PIK3R1: variants seen among roughly 807,000 people sequenced by gnomAD.
PIK3R1 encodes phosphoinositide-3-kinase regulatory subunit 1.
Under a neutral mutation model 98.0 loss-of-function variants are expected in PIK3R1, and 29 were observed. That is an observed-to-expected ratio of 0.30 (90% confidence interval 0.22 to 0.40). PIK3R1 has a LOEUF of 0.40. Among genes scored for constraint, PIK3R1 ranks in the 10% least tolerant of loss-of-function variants. PIK3R1 has a pLI of 1.00. For synonymous variants in PIK3R1, 282 were observed against 311.8 expected (o/e 0.90, Z 1.01); for missense variants, 596 against 872.7 (o/e 0.68, Z 3.99).
At chr5:68,225,018 G>T (rs901770136) in intron 1 of PIK3R1, among the ~76,000 whole-genome samples, 19 of 152,242 alleles carry the variant, frequency 1.2e-4, no homozygotes, top group Non-Finnish European at 2.6e-4. Flanking sequence ...CTCACTGCTG[G>T]ACTGGAATCT....
chr5:68,265,545 G>A (rs1746088740), intron 2 of PIK3R1, among the ~76,000 whole-genome samples: 1 of 152,154 alleles, frequency 6.6e-6, no homozygotes, highest in Non-Finnish European at 1.5e-5. Flanking sequence ...GGGGAGAAAG[G>A]TCTCTGGTGC....
chr5:68,263,893 A>C (rs1746010803), intron 2 of PIK3R1, among the ~76,000 whole-genome samples: 1 of 151,640 alleles, frequency 6.6e-6, no homozygotes, highest in African/African-American at 2.4e-5. Context: ...GGATGCTTCA[A>C]CTCCCTTCAT....
intron 2 of PIK3R1, among the ~76,000 whole-genome samples, chr5:68,266,154 C>T (rs1746114457): frequency 6.6e-6 from 1 of 152,238 alleles, no homozygotes; most frequent in South Asian, 2.1e-4. Context: ...AGTTCCTCTC[C>T]ATCCCCCTGC....
chr5:68,264,573 A>AG (rs1561280547), intron 2 of PIK3R1, among the ~76,000 whole-genome samples: 1 of 152,190 alleles, frequency 6.6e-6, no homozygotes, highest in Non-Finnish European at 1.5e-5. Context: ...CGCTGAGCAG[A>AG]GTTTCTTACA....
At chr5:68,290,626 G>C (rs1315400638) in intron 7 of PIK3R1, 3 of 1,433,260 alleles carry the variant, frequency 2.1e-6, no homozygotes, top group Non-Finnish European at 2.7e-6. Context: ...ATAGGTTTCA[G>C]TGCAGCCCCT....
At chr5:68,239,923 G>A (rs1396116696) in intron 2 of PIK3R1, 2 of 499,944 alleles carry the variant, frequency 4.0e-6, no homozygotes, top group Admixed American at 2.3e-5. Flanking sequence ...CATCAGAACC[G>A]CAGGCTGGAA....
intron 2 of PIK3R1, among the ~76,000 whole-genome samples, chr5:68,262,099 C>T (rs1415054536): frequency 6.6e-6 from 1 of 151,940 alleles, no homozygotes; most frequent in Admixed American, 6.6e-5. Flanking sequence ...TATAGGAAGC[C>T]AACATTTTGC....
chr5:68,266,772 A>G (rs1746140295), intron 2 of PIK3R1, among the ~76,000 whole-genome samples: 1 of 152,228 alleles, frequency 6.6e-6, no homozygotes. Context: ...TTGGACAAAT[A>G]GTTTCCTTGC....
At chr5:68,228,369 A>C (rs1744358529) in intron 2 of PIK3R1, among the ~76,000 whole-genome samples, 1 of 152,204 alleles carries the variant, frequency 6.6e-6, no homozygotes, top group Admixed American at 6.5e-5. Flanking sequence ...CCTGAAGGGA[A>C]GCCCTTTTCT....
Position 68,293,194 on chromosome 5 carries a change from A to G in PIK3R1, c.1113A>G (p.Thr371=), listed in dbSNP as rs1580261805. 9 of 1,612,122 alleles carry G rather than the reference A, an allele frequency of 5.6e-6. No individual in the cohort carries two copies. The East Asian group carries it at 2.0e-4, about 36-fold the overall frequency. ...STKMHGDYTL[T]LRKGGNNKLI... ...AAATGCATGGTGATTATACTCTTAC[A>G]CTAAGGTAAGCCAGGGAATATAGCT... Residue 371 remains threonine (T), a synonymous_variant, in exon 9 of 16, where the codon ACA becomes ACG. Transcript: ENST00000521381.
Position 68,296,240 on chromosome 5 carries a change from C to T in PIK3R1, c.1884C>T (p.Ser628=), listed in dbSNP as rs2112283259. ...ATGAGAAGACATGGAATGTTGGAAG[C>T]AGCAACCGAAACAAAGCTGAAAACC... The part of the protein sequence containing the change: ...HHDEKTWNVG[S]SNRNKAENLL... The change falls in exon 15 of 16, where the codon AGC becomes AGT. Residue 628 remains serine (S), a synonymous_variant. Coordinates refer to ENST00000521381, the MANE Select transcript of PIK3R1 (RefSeq NM_181523.3). The T allele has an allele frequency of 2.5e-6, 4 of 1,614,168 alleles. No individual in the cohort carries two copies. Among genetic ancestry groups the T allele is most frequent in the Non-Finnish European group, 3.4e-6 (4 of 1,180,020 alleles).
chr5:68,228,899 T>C (rs1744377143), intron 2 of PIK3R1, among the ~76,000 whole-genome samples: 1 of 152,262 alleles, frequency 6.6e-6, no homozygotes, highest in African/African-American at 2.4e-5. Context: ...AAAGTCATTT[T>C]CTCTTTTTAT....
Position 68,226,569 on chromosome 5 carries a change from TA to T in PIK3R1, c.-105del. 1.1e-6 allele frequency: 1 copy of T among 896,774 alleles called. No homozygotes were observed. Among genetic ancestry groups the T allele is most frequent in the Non-Finnish European group, 1.7e-6 (1 of 574,608 alleles). 55.6% of individuals were successfully genotyped at this position (896,774 alleles called of 1,614,324 possible). A position where few individuals can be genotyped will look rare whatever the true frequency, so the allele number is the denominator to read the frequency against. On this transcript the variant is annotated 5_prime_UTR_variant, in exon 2 of 16. The change creates a premature stop within an existing upstream ORF in the 5' untranslated region. Coordinates refer to ENST00000521381, the MANE Select transcript of PIK3R1 (RefSeq NM_181523.3). The stretch of plus-strand genomic sequence containing the variant: ...GGTCCTTTGTCCTCTGCTGGACACA[TA>T]ATAGGAATTCTAACACATTCTCTGA...
rs1747885584 is a variant in PIK3R1, at chr5:68,298,950, C to T, written c.*1349C>T. On this transcript the variant is annotated 3_prime_UTR_variant, in exon 16 of 16. Transcript: ENST00000521381. The stretch of plus-strand genomic sequence containing the variant: ...GTTATATGCACTTTCTCATGATTTA[C>T]AGAGAAGTGAATAACTGCAAAGTGA... 1 of 233,350 alleles carries T rather than the reference C, an allele frequency of 4.3e-6. No homozygotes were observed. The highest frequency in any genetic ancestry group is 2.2e-5 in the African/African-American group (1 of 45,316). The allele number at this position is 233,350 out of a possible 1,614,324, so 14.5% of individuals were successfully genotyped here.
chr5:68,255,715 C>T (rs1745488599), intron 2 of PIK3R1, among the ~76,000 whole-genome samples: 1 of 152,172 alleles, frequency 6.6e-6, no homozygotes, highest in African/African-American at 2.4e-5. Flanking sequence ...TGTGAAAAAG[C>T]TGCTCCCTAT....
chr5:68,236,888 A>C (rs1744688342), intron 2 of PIK3R1, among the ~76,000 whole-genome samples: 1 of 152,268 alleles, frequency 6.6e-6, no homozygotes, highest in South Asian at 2.1e-4. Flanking sequence ...AATTACAAAG[A>C]GACGGATAAG....
In PIK3R1 at chr5:68,301,440, G is replaced by GTATA. The variant is rs367780084; in HGVS notation, c.*3851_*3854dup. On this transcript the variant is annotated 3_prime_UTR_variant, in exon 16 of 16. Coordinates refer to ENST00000521381, the MANE Select transcript of PIK3R1 (RefSeq NM_181523.3). ...TATATATATATATATATATGTGTGT[G>GTATA]TATATATATATATATGTGTATATAT... The GTATA allele has an allele frequency of 2.0e-5, 2 of 98,930 alleles. No homozygotes were observed. Among genetic ancestry groups the GTATA allele is most frequent in the Non-Finnish European group, 1.9e-5 (1 of 52,016 alleles). The allele number at this position is 98,930 out of a possible 1,614,324, so 6.1% of individuals were successfully genotyped here.
intron 2 of PIK3R1, among the ~76,000 whole-genome samples, chr5:68,264,882 C>T (rs537566820): frequency 9.2e-5 from 14 of 152,278 alleles, no homozygotes; most frequent in Middle Eastern, 6.8e-3. Context: ...ATACCTAATT[C>T]GTTGTGGTAT....
Position 68,293,457 on chromosome 5 carries a change from C to A in PIK3R1, c.1273C>A (p.Leu425Ile), listed in dbSNP as rs1001616209. The A allele has an allele frequency of 1.2e-6, 2 of 1,611,666 alleles. No homozygotes were observed. The highest frequency in any genetic ancestry group is 2.7e-5 in the African/African-American group (2 of 74,856). Residue 425 changes from leucine to isoleucine, a missense_variant, in exon 10 of 16, where the codon CTT becomes ATT. Leu to Ile is a conservative substitution (Grantham distance 5, BLOSUM62 2). Around this residue, in one of 3 missense-constraint regions of PIK3R1, gnomAD observed 207 missense variants for 361.4 expected, o/e 0.57. Coordinates refer to ENST00000521381, the MANE Select transcript of PIK3R1 (RefSeq NM_181523.3). ...QYNPKLDVKL[L>I]YPVSKYQQDQ... ...TAATCCCAAATTGGATGTGAAATTA[C>A]TTTATCCAGTATCCAAATACCAACA...
Sources: allele counts gnomAD v4.1 joint callset (sites outside exome capture counted in the v4.1 genomes callset), GRCh38; gene constraint gnomAD v4.1.1; regional missense constraint gnomAD v4.1.1; transcripts MANE v1.5; gene names NCBI Gene and HGNC (gene_info 2026-07-23, HGNC 2026-07-21).